ZC2HC1B: variants seen among roughly 807,000 people sequenced by gnomAD.
ZC2HC1B encodes zinc finger C2HC domain-containing protein 1B.
Under a neutral mutation model 31.0 loss-of-function variants are expected in ZC2HC1B, and 36 were observed. The observed-to-expected ratio is 1.16, with a 90% confidence interval of 0.89 to 1.54. The LOEUF (loss-of-function observed/expected upper bound fraction) is 1.54. Among genes scored for constraint, ZC2HC1B ranks in the 40% most tolerant of loss-of-function variants. The pLI is 0.00. For synonymous variants in ZC2HC1B, 73 were observed against 88.0 expected (o/e 0.83, Z 0.95); for missense variants, 260 against 268.6 (o/e 0.97, Z 0.22).
chr6:143,923,947 A>G lies in ZC2HC1B; in HGVS notation c.599-13702A>G, dbSNP rs1778008593. 6.6e-6 allele frequency among the ~76,000 whole-genome samples: 1 copy of G among 151,944 alleles called. No homozygotes were observed. The highest frequency in any genetic ancestry group is 2.4e-5 in the African/African-American group (1 of 41,370). ...GCTATTTGAGCTCTTTAATGGTTCT[A>G]TACAAATTTTAGGATTTTTTTGTAT... On this transcript the variant is annotated intron_variant, in intron 6 of 7. Transcript: ENST00000237275. This position sits in a 1 kb window ranked among gnomAD's most constrained non-coding sequence, Gnocchi z 4.8.
chr6:143,889,447 A>G (rs1582958250), intron 4 of ZC2HC1B, among the ~76,000 whole-genome samples: 1 of 152,126 alleles, frequency 6.6e-6, no homozygotes. Context: ...TAAGTATTCC[A>G]TAAGAAAAAC....
In ZC2HC1B at chr6:143,917,613, C is replaced by T. The variant is rs138381091; in HGVS notation, c.598+14461C>T. 6.6e-6 allele frequency among the ~76,000 whole-genome samples: 1 copy of T among 152,174 alleles called. No homozygotes were observed. Among genetic ancestry groups the T allele is most frequent in the Non-Finnish European group, 1.5e-5 (1 of 68,036 alleles). On this transcript the variant is annotated intron_variant, in intron 6 of 7. Transcript: ENST00000237275. The surrounding 1 kb of genome is among the most constrained non-coding windows in gnomAD (Gnocchi z 4.1). ...TTTATACAGGTTGAATGCTCCTAAT[C>T]TAAAAATCTGAAATCTAAAATGCTC... is the stretch of plus-strand genomic sequence containing the variant.
rs1264473066 is a variant in ZC2HC1B, at chr6:143,884,380, AT to A, written c.90+19del. ...CAGATGTTCTGGTAAACATAAAGAC[AT>A]TTTGTAGATGTGTTTCATTGGACTT... On this transcript the variant is annotated intron_variant, in intron 2 of 7. Transcript: ENST00000237275. This position sits in a 1 kb window ranked among gnomAD's most constrained non-coding sequence, Gnocchi z 5.1. 1 of 1,529,550 alleles carries A rather than the reference AT, an allele frequency of 6.5e-7. No homozygotes were observed. Among genetic ancestry groups the A allele is most frequent in the East Asian group, 2.5e-5 (1 of 40,448 alleles). 94.7% of individuals were successfully genotyped at this position (1,529,550 alleles called of 1,614,324 possible).
In ZC2HC1B at chr6:143,918,393, T is replaced by C. The variant is rs1221738855; in HGVS notation, c.598+15241T>C. On this transcript the variant is annotated intron_variant, in intron 6 of 7. Coordinates refer to ENST00000237275, the MANE Select transcript of ZC2HC1B (RefSeq NM_001013623.3). This position sits in a 1 kb window ranked among gnomAD's most constrained non-coding sequence, Gnocchi z 4.1. ...CCACTTTGAATATGTTGGCCCACTG[T>C]GTTTCATCCTCCATGGTTTCTGATG... 6.6e-6 allele frequency among the ~76,000 whole-genome samples: 1 copy of C among 152,224 alleles called. No homozygotes were observed. The highest frequency in any genetic ancestry group is 1.5e-5 in the Non-Finnish European group (1 of 68,040).
At chr6:143,878,014 C>G (rs1443866711) in intron 1 of ZC2HC1B, among the ~76,000 whole-genome samples, 2 of 150,858 alleles carry the variant, frequency 1.3e-5, no homozygotes, top group African/African-American at 4.9e-5. Context: ...TATATGTAGA[C>G]ATGCATACAT....
chr6:143,870,569 C>G lies in ZC2HC1B; in HGVS notation c.28+6002C>G, dbSNP rs1777324528. Among the ~76,000 whole-genome samples the G allele has an allele frequency of 6.6e-6, 1 of 152,188 alleles. No individual in the cohort carries two copies. The highest frequency in any genetic ancestry group is 1.5e-5 in the Non-Finnish European group (1 of 68,048). On this transcript the variant is annotated intron_variant, in intron 1 of 7. Transcript: ENST00000237275. The surrounding 1 kb of genome is among the most constrained non-coding windows in gnomAD (Gnocchi z 4.7). ...GATGGATGCTGCTGTGCATGACCCA[C>G]TTTATGGCTAGATGGGTCAGAAAGC...
chr6:143,935,838 A>G (rs1778172476), intron 6 of ZC2HC1B, among the ~76,000 whole-genome samples: 1 of 151,368 alleles, frequency 6.6e-6, no homozygotes, highest in Non-Finnish European at 1.5e-5. Flanking sequence ...TTATTTGTAG[A>G]GGTGAGGTAT....
At chr6:143,876,084 G>A (rs1777405433) in intron 1 of ZC2HC1B, among the ~76,000 whole-genome samples, 1 of 150,624 alleles carries the variant, frequency 6.6e-6, no homozygotes, top group Non-Finnish European at 1.5e-5. Flanking sequence ...TTTCATTGCA[G>A]GTCAGCCACT....
At position 143,884,203 on chromosome 6, in the gene ZC2HC1B, A is replaced by ATCTCG; in HGVS notation, c.29-101_29-100insTCTCG. 1 of 1,019,398 alleles carries ATCTCG rather than the reference A, an allele frequency of 9.8e-7. No individual in the cohort carries two copies. The highest frequency in any genetic ancestry group is 1.9e-5 in the South Asian group (1 of 52,096). The allele number at this position is 1,019,398 out of a possible 1,614,324, so 63.1% of individuals were successfully genotyped here. ...AGCAGTTGGTGGGGAGGGAAAAGAG[A>ATCTCG]GTGAGGATATCAAGCTATTGAGGTC... On this transcript the variant is annotated intron_variant, in intron 1 of 7. Transcript: ENST00000237275. This position sits in a 1 kb window ranked among gnomAD's most constrained non-coding sequence, Gnocchi z 5.1.
intron 6 of ZC2HC1B, among the ~76,000 whole-genome samples, chr6:143,904,746 T>C (rs1777775152): frequency 6.6e-6 from 1 of 152,134 alleles, no homozygotes; most frequent in Admixed American, 6.6e-5. Context: ...AGATCTTACG[T>C]TTTAGTTCTT....
intron 1 of ZC2HC1B, among the ~76,000 whole-genome samples, chr6:143,866,294 C>G (rs184756415): frequency 5.9e-5 from 9 of 152,336 alleles, no homozygotes; most frequent in Admixed American, 1.3e-4. Context: ...ATAGCTCAGC[C>G]TAGCCTACCT....
chr6:143,889,303 C>G (rs1452266313), intron 4 of ZC2HC1B, among the ~76,000 whole-genome samples: 1 of 151,812 alleles, frequency 6.6e-6, no homozygotes, highest in African/African-American at 2.4e-5. Flanking sequence ...GCACAAAGAG[C>G]AAGGTGGGAT....
Position 143,883,560 on chromosome 6 carries a change from T to A in ZC2HC1B, c.29-744T>A, listed in dbSNP as rs1777495029. 6.6e-6 allele frequency among the ~76,000 whole-genome samples: 1 copy of A among 152,234 alleles called. No individual in the cohort carries two copies. The highest frequency in any genetic ancestry group is 2.1e-4 in the South Asian group (1 of 4,836). ...CTGCTTTTTTTATTAACCTAAGACA[T>A]CATAGCTTTGATAGAAGTGCTTTTT... On this transcript the variant is annotated intron_variant, in intron 1 of 7. Coordinates refer to ENST00000237275, the MANE Select transcript of ZC2HC1B (RefSeq NM_001013623.3). The surrounding 1 kb of genome is among the most constrained non-coding windows in gnomAD (Gnocchi z 4.1).
chr6:143,901,273 T>C (rs1172353148), intron 5 of ZC2HC1B, among the ~76,000 whole-genome samples: 10 of 137,850 alleles, frequency 7.3e-5, no homozygotes, highest in Non-Finnish European at 1.6e-4. Context: ...TTTTTTTTTT[T>C]TTTTGAGACA....
In ZC2HC1B at chr6:143,930,367, A is replaced by G. The variant is rs117077173; in HGVS notation, c.599-7282A>G. On this transcript the variant is annotated intron_variant, in intron 6 of 7. Transcript: ENST00000237275. ...TTGTTTAACTTTCATGTATTTGTAT[A>G]GTTTTGAGAGTTTCTTTTTTTTTTT... Among the ~76,000 whole-genome samples the G allele has an allele frequency of 2.2e-3, 305 of 140,878 alleles. 6 individuals are homozygous for G. The East Asian group carries it at 0.04, about 19-fold the overall frequency. 92.4% of individuals were successfully genotyped at this position (140,878 alleles called of 152,430 possible).
chr6:143,895,484 A>G lies in ZC2HC1B; in HGVS notation c.350-3068A>G, dbSNP rs575479696. Among the ~76,000 whole-genome samples, 3 of 152,340 alleles carry G rather than the reference A, an allele frequency of 2.0e-5. No individual in the cohort carries two copies. The highest frequency in any genetic ancestry group is 1.9e-4 in the East Asian group (1 of 5,194). On this transcript the variant is annotated intron_variant, in intron 4 of 7. Transcript: ENST00000237275. The surrounding 1 kb of genome is among the most constrained non-coding windows in gnomAD (Gnocchi z 4.8). ...GGCCAGTACTAAAGAATTTATATAC[A>G]TATAACTAGAGTTATATATAACATG...
At chr6:143,916,544 ACACT>A (rs1777918558) in intron 6 of ZC2HC1B, among the ~76,000 whole-genome samples, 1 of 152,234 alleles carries the variant, frequency 6.6e-6, no homozygotes. Flanking sequence ...AAAGCCGCAG[ACACT>A]CAACACCAGC....
chr6:143,873,759 G>A (rs922643092), intron 1 of ZC2HC1B, among the ~76,000 whole-genome samples: 1 of 152,240 alleles, frequency 6.6e-6, no homozygotes, highest in African/African-American at 2.4e-5. Flanking sequence ...AGGGCACCAA[G>A]TCCCTAGGCT....
In ZC2HC1B at chr6:143,877,272, C is replaced by CTTTTTTT. The variant is rs34994479; in HGVS notation, c.29-7011_29-7005dup. ...TTTCTCCTAAAGATTTTTTTAATTTCTTTTTTTTTTTTTTTTTTTTTTTTT... is the reference window on the plus strand; with the variant it reads ...TTTCTCCTAAAGATTTTTTTAATTTCTTTTTTTTTTTTTTTTTTTTTTTTTTTTTTTT... On this transcript the variant is annotated intron_variant, in intron 1 of 7. Transcript: ENST00000237275. Among the ~76,000 whole-genome samples the CTTTTTTT allele has an allele frequency of 8.2e-4, 35 of 42,588 alleles. 2 individuals are homozygous for CTTTTTTT. The highest frequency in any genetic ancestry group is 1.2e-3 in the African/African-American group (10 of 8,320). 27.9% of individuals were successfully genotyped at this position (42,588 alleles called of 152,430 possible). A position where few individuals can be genotyped will look rare whatever the true frequency, so the allele number is the denominator to read the frequency against.
Sources: allele counts gnomAD v4.1 joint callset (sites outside exome capture counted in the v4.1 genomes callset), GRCh38; gene constraint gnomAD v4.1.1; non-coding constraint Gnocchi (gnomAD v3.1); transcripts MANE v1.5; gene names NCBI Gene and HGNC (gene_info 2026-07-23, HGNC 2026-07-21).